DZIP1: variants seen among roughly 807,000 people sequenced by gnomAD.
DZIP1 encodes the protein cilium assembly protein DZIP1.
A neutral mutation model predicts 107.6 loss-of-function variants in DZIP1; 97 were observed. The ratio of observed to expected loss-of-function variants is 0.90; its 90% CI spans 0.77 to 1.07. DZIP1 has a LOEUF of 1.07. Among genes scored for constraint, DZIP1 ranks in the 50% least tolerant of loss-of-function variants. DZIP1 has a pLI of 0.00. For missense variants in DZIP1, 1,035 were observed against 1,063.6 expected, an observed-to-expected ratio of 0.97 and a Z score of 0.37; for synonymous variants, 390 against 386.4, an observed-to-expected ratio of 1.01 and a Z score of -0.11.
At chr13:95,612,230 T>C in intron 10 of DZIP1, 53 bp from the exon 11 acceptor site, 1 of 1,578,128 alleles carries the variant, frequency 6.3e-7, no homozygotes, top group Admixed American at 1.8e-5. Context: ...TCAAATGTCT[T>C]CATTCTCCAG....
At chr13:95,594,117 A>AAAGAATT (rs755112325) in intron 15 of DZIP1, 31 bp from the exon 16 acceptor site, 1 of 1,557,818 alleles carries the variant, frequency 6.4e-7, no homozygotes, top group Non-Finnish European at 8.7e-7. Flanking sequence ...TGTGTTAAAA[A>AAAGAATT]AAGAATTAAG....
At chr13:95,592,350 A>C (rs2044331542) in intron 16 of DZIP1, among the ~76,000 whole-genome samples, 1 of 152,202 alleles carries the variant, frequency 6.6e-6, no homozygotes, top group Admixed American at 6.5e-5. Context: ...GCAAACAACC[A>C]ATATGGAAAA....
chr13:95,627,145 T>C (rs544937336), intron 7 of DZIP1, among the ~76,000 whole-genome samples: 1 of 152,328 alleles, frequency 6.6e-6, no homozygotes, highest in South Asian at 2.1e-4. Context: ...TTGTGTGATA[T>C]TGGCATAAAG....
intron 5 of DZIP1, among the ~76,000 whole-genome samples, chr13:95,639,796 T>C (rs970170973): frequency 6.6e-6 from 1 of 152,040 alleles, no homozygotes; most frequent in African/African-American, 2.4e-5. Context: ...TAGAATCCAT[T>C]ATATTCGTTG....
intron 15 of DZIP1, among the ~76,000 whole-genome samples, chr13:95,598,259 A>G (rs746469929): frequency 2.0e-5 from 3 of 152,210 alleles, no homozygotes; most frequent in African/African-American, 4.8e-5. Context: ...ATGAACAACT[A>G]TTGGGACAGG....
chr13:95,630,257 T>C, intron 6 of DZIP1, 144 bp from the exon 7 acceptor site: 1 of 1,020,404 alleles, frequency 9.8e-7, no homozygotes, highest in Non-Finnish European at 1.4e-6. Flanking sequence ...CATGAGCCAA[T>C]TTTTGCTCTT....
At chr13:95,642,338 C>G (rs1594751718) in intron 3 of DZIP1, 97 bp from the exon 4 acceptor site, 2 of 336,698 alleles carry the variant, frequency 5.9e-6, no homozygotes, top group East Asian at 1.0e-4. Context: ...CAGGGCGCCA[C>G]CCTCCCTGGC....
chr13:95,605,692 T>C (rs183009000), intron 14 of DZIP1, among the ~76,000 whole-genome samples: 6 of 152,344 alleles, frequency 3.9e-5, no homozygotes, highest in Non-Finnish European at 7.4e-5. Context: ...CCCTCATTCT[T>C]ACCCAACACC....
intron 10 of DZIP1, among the ~76,000 whole-genome samples, chr13:95,612,594 T>G (rs960399808): frequency 6.6e-6 from 1 of 150,606 alleles, no homozygotes; most frequent in Non-Finnish European, 1.5e-5. Context: ...TTTGTTGTTG[T>G]TTTTTTTTGA....
At chr13:95,599,897 A>C (rs1483695689) in intron 14 of DZIP1, among the ~76,000 whole-genome samples, 1 of 152,152 alleles carries the variant, frequency 6.6e-6, no homozygotes, top group East Asian at 1.9e-4. Context: ...CAGAATATAA[A>C]AGGGGAACGA....
At chr13:95,624,443 C>T (rs1876292077) in intron 8 of DZIP1, among the ~76,000 whole-genome samples, 1 of 152,214 alleles carries the variant, frequency 6.6e-6, no homozygotes, top group Admixed American at 6.5e-5. Context: ...TCCCACTGGA[C>T]AATGGAAAGT....
chr13:95,599,340 T>C, intron 15 of DZIP1, 25 bp downstream of exon 15: 1 of 1,606,858 alleles, frequency 6.2e-7, no homozygotes, highest in Non-Finnish European at 8.5e-7. Context: ...TCTGTGCAGG[T>C]AAACCTGATC....
At chr13:95,605,481 G>T (rs1219844310) in intron 14 of DZIP1, among the ~76,000 whole-genome samples, 1 of 152,210 alleles carries the variant, frequency 6.6e-6, no homozygotes, top group African/African-American at 2.4e-5. Flanking sequence ...TCTGGTCCAA[G>T]AACTGAACCC....
intron 22 of DZIP1, 63 bp downstream of exon 22, chr13:95,584,673 A>G: frequency 1.3e-6 from 2 of 1,539,012 alleles, no homozygotes; most frequent in Non-Finnish European, 1.7e-6. Context: ...AGATATTTAT[A>G]AAGATGAAAC....
chr13:95,633,491 T>C (rs548339467), intron 5 of DZIP1, among the ~76,000 whole-genome samples, 170 bp from the exon 6 acceptor site: 1 of 151,952 alleles, frequency 6.6e-6, no homozygotes, highest in East Asian at 1.9e-4. Flanking sequence ...GAGACCAGCC[T>C]GGCCAACATG....
At chr13:95,588,140 A>G (rs1261367112) in intron 19 of DZIP1, 2 of 155,636 alleles carry the variant, frequency 1.3e-5, no homozygotes, top group Non-Finnish European at 2.8e-5. Context: ...TACATACACA[A>G]TCTCATTTGT....
intron 14 of DZIP1, among the ~76,000 whole-genome samples, chr13:95,604,853 T>A (rs1244465651): frequency 6.6e-6 from 1 of 152,212 alleles, no homozygotes; most frequent in African/African-American, 2.4e-5. Context: ...TGACATAAAA[T>A]AATATGAATA....
intron 19 of DZIP1, among the ~76,000 whole-genome samples, chr13:95,588,561 G>A (rs960820750): frequency 6.6e-6 from 1 of 152,138 alleles, no homozygotes; most frequent in Admixed American, 6.5e-5. Context: ...TTAATTTGTA[G>A]AACTATCTCG....
chr13:95,592,635 T>C (rs893467385), intron 16 of DZIP1, among the ~76,000 whole-genome samples: 3 of 152,156 alleles, frequency 2.0e-5, no homozygotes, highest in Non-Finnish European at 2.9e-5. Flanking sequence ...CATCCCTAGA[T>C]ATATATTCAA....
Sources: allele counts gnomAD v4.1 joint callset (sites outside exome capture counted in the v4.1 genomes callset), GRCh38; gene constraint gnomAD v4.1.1; transcripts MANE v1.5; gene names NCBI Gene and HGNC (gene_info 2026-07-23, HGNC 2026-07-21).